Variants in FGF12 observed in about 807,000 individuals in gnomAD.
FGF12 encodes the protein fibroblast growth factor 12B.
FGF12 carries 14 observed loss-of-function variants against 23.6 expected under a neutral mutation model. The ratio of observed to expected loss-of-function variants is 0.59; its 90% CI spans 0.39 to 0.93. FGF12 has a LOEUF of 0.93. Among genes scored for constraint, FGF12 ranks in the 40% least tolerant of loss-of-function variants. FGF12 has a pLI of 0.00. For synonymous variants in FGF12, 62 were observed against 77.3 expected (o/e 0.80, Z 1.04); for missense variants, 175 against 217.8 (o/e 0.80, Z 1.24).
chr3:192,460,402 C>T (rs936559227), intron 2 of FGF12, among the ~76,000 whole-genome samples: 1 of 152,064 alleles, frequency 6.6e-6, no homozygotes, highest in African/African-American at 2.4e-5. Flanking sequence ...AGCCTCAGAG[C>T]GGAGCTAGAG....
chr3:192,416,018 T>C (rs1426866671), intron 2 of FGF12, among the ~76,000 whole-genome samples: 2 of 152,050 alleles, frequency 1.3e-5, no homozygotes, highest in Non-Finnish European at 2.9e-5. Flanking sequence ...CTTGTTGAAA[T>C]AGCAGTCTCT....
intron 2 of FGF12, among the ~76,000 whole-genome samples, chr3:192,394,061 A>G (rs909625660): frequency 6.6e-6 from 1 of 152,178 alleles, no homozygotes; most frequent in African/African-American, 2.4e-5. Context: ...ATGACATTAC[A>G]CATTAACCTA....
chr3:192,192,332 GTA>G (rs1034755201), intron 4 of FGF12, among the ~76,000 whole-genome samples: 11 of 151,128 alleles, frequency 7.3e-5, no homozygotes, highest in African/African-American at 2.7e-4. Context: ...AAATTTATAA[GTA>G]TTTTATTTTA....
chr3:192,621,459 A>G (rs1714971702), intron 2 of FGF12, among the ~76,000 whole-genome samples: 1 of 152,110 alleles, frequency 6.6e-6, no homozygotes, highest in Non-Finnish European at 1.5e-5. Context: ...AAGTTCTGCC[A>G]CTGTGATCTT....
intron 2 of FGF12, among the ~76,000 whole-genome samples, chr3:192,617,337 G>T (rs1714797038): frequency 6.6e-6 from 1 of 152,070 alleles, no homozygotes; most frequent in Non-Finnish European, 1.5e-5. Flanking sequence ...GGAGGTGGGA[G>T]GTTGGAGGAT....
chr3:192,546,486 CAAAA>C (rs34097611), intron 2 of FGF12, among the ~76,000 whole-genome samples: 44 of 142,884 alleles, frequency 3.1e-4, no homozygotes, highest in African/African-American at 6.1e-4. Flanking sequence ...TGCTACTTTT[CAAAA>C]AAAAAAAAAA....
At chr3:192,465,034 C>T (rs373395176) in intron 2 of FGF12, among the ~76,000 whole-genome samples, 2 of 152,124 alleles carry the variant, frequency 1.3e-5, no homozygotes, top group East Asian at 3.8e-4. Context: ...CACAGTACAA[C>T]TTCAATTTAA....
intron 2 of FGF12, among the ~76,000 whole-genome samples, chr3:192,581,505 T>C (rs368587138): frequency 1.5e-5 from 2 of 129,566 alleles, no homozygotes; most frequent in African/African-American, 2.7e-5. Flanking sequence ...TATATATATA[T>C]ATATACAGGA....
chr3:192,479,270 T>C (rs1723413624), intron 2 of FGF12, among the ~76,000 whole-genome samples: 1 of 152,126 alleles, frequency 6.6e-6, no homozygotes, highest in African/African-American at 2.4e-5. Context: ...CCATCATCCT[T>C]TCAGAAGGCA....
chr3:192,321,113 C>T (rs1180469978), intron 4 of FGF12, among the ~76,000 whole-genome samples: 1 of 151,650 alleles, frequency 6.6e-6, no homozygotes, highest in African/African-American at 2.4e-5. Flanking sequence ...AAATCAGAGA[C>T]AAAAAAAGGA....
intron 4 of FGF12, among the ~76,000 whole-genome samples, chr3:192,268,018 A>G (rs1421958185): frequency 6.6e-6 from 1 of 152,270 alleles, no homozygotes; most frequent in Admixed American, 6.5e-5. Flanking sequence ...TGTTCTCCCA[A>G]GGGATGGATA....
intron 5 of FGF12, among the ~76,000 whole-genome samples, chr3:192,145,734 T>C (rs1368368601): frequency 6.6e-6 from 1 of 152,238 alleles, no homozygotes; most frequent in Non-Finnish European, 1.5e-5. Flanking sequence ...TGCCCTTGGC[T>C]GAAGTAACAG....
chr3:192,683,013 C>A (rs1717591340), intron 2 of FGF12, among the ~76,000 whole-genome samples: 1 of 152,196 alleles, frequency 6.6e-6, no homozygotes. Flanking sequence ...CTCTTAGAAA[C>A]CTCACTCTAT....
At position 192,322,442 on chromosome 3, in the gene FGF12, T is replaced by C. The variant is rs537495084; in HGVS notation, c.228+12919A>G. Among the ~76,000 whole-genome samples the C allele has an allele frequency of 2.0e-4, 31 of 152,068 alleles. No homozygotes were observed. In the South Asian group the frequency reaches 6.2e-3, roughly 31 times the overall value. On this transcript the variant is annotated intron_variant, in intron 4 of 5. Coordinates refer to ENST00000445105, the MANE Select transcript of FGF12 (RefSeq NM_004113.6). ...AATCTTTATCATAATACTAACAACA[T>C]TCTTTACAGAAATAGAAAAAAATAA...
At chr3:192,689,268 A>T (rs978052344) in intron 2 of FGF12, among the ~76,000 whole-genome samples, 1 of 152,176 alleles carries the variant, frequency 6.6e-6, no homozygotes, top group Non-Finnish European at 1.5e-5. Flanking sequence ...AATGATAAAT[A>T]CTTAAAGTGA....
intron 4 of FGF12, among the ~76,000 whole-genome samples, chr3:192,186,919 G>A (rs1407334649): frequency 6.6e-6 from 1 of 152,138 alleles, no homozygotes; most frequent in Non-Finnish European, 1.5e-5. Context: ...TTTGCAGCTT[G>A]GCATTTTTAA....
intron 4 of FGF12, among the ~76,000 whole-genome samples, chr3:192,227,602 AAAAG>A (rs1015642405): frequency 3.3e-5 from 5 of 151,774 alleles, no homozygotes; most frequent in Admixed American, 3.3e-4. Flanking sequence ...AAAAAAAGAA[AAAAG>A]AAAAAAAATT....
At chr3:192,402,081 C>T (rs116211234) in intron 2 of FGF12, among the ~76,000 whole-genome samples, 1,734 of 152,344 alleles carry the variant, frequency 0.011, 19 homozygotes, top group Non-Finnish European at 0.017. Flanking sequence ...CTCCGAAGTC[C>T]AGGTACTTAA....
chr3:192,624,468 G>A (rs1464069537), intron 2 of FGF12, among the ~76,000 whole-genome samples: 2 of 152,056 alleles, frequency 1.3e-5, no homozygotes, highest in East Asian at 3.9e-4. Context: ...GAGAAGAGGA[G>A]GAAGGAGAAG....
Sources: gnomAD v4.1 joint callset for allele counts (sites outside exome capture counted in the v4.1 genomes callset) on GRCh38, gnomAD v4.1.1 for gene constraint, MANE v1.5 for transcripts, NCBI Gene and HGNC (gene_info 2026-07-23, HGNC 2026-07-21) for gene names.